The following PRDM9 variants were observed in gnomAD, a reference collection of about 807,000 sequenced individuals.
PRDM9 encodes PR/SET domain 9.
In PRDM9, 47 loss-of-function variants were observed where a neutral mutation model predicts 55.6. The ratio of observed to expected loss-of-function variants is 0.85; its 90% confidence interval spans 0.67 to 1.08. The LOEUF (loss-of-function observed/expected upper bound fraction) is 1.08. Among genes scored for constraint, PRDM9 ranks in the 50% least tolerant of loss-of-function variants. The pLI is 0.00. For missense variants in PRDM9, 867 were observed against 1,040.3 expected (o/e 0.83, Z 2.29); for synonymous variants, 312 against 375.7 (o/e 0.83, Z 1.96).
chr5:23,522,968 A>C, intron 8 of PRDM9, 83 bp downstream of exon 8: 2 of 1,603,966 alleles, frequency 1.2e-6, no homozygotes, highest in South Asian at 2.2e-5. Flanking sequence ...TCTACATGTT[A>C]GTATATAGGT....
At chr5:23,515,029 T>C (rs1308488804) in intron 4 of PRDM9, among the ~76,000 whole-genome samples, 1 of 151,608 alleles carries the variant, frequency 6.6e-6, no homozygotes, top group Non-Finnish European at 1.5e-5. Context: ...AATGGAGCGA[T>C]CTCAGCTCAC....
chr5:23,525,139 A>G (rs1486774300), intron 10 of PRDM9, among the ~76,000 whole-genome samples: 1 of 152,282 alleles, frequency 6.6e-6, no homozygotes, highest in Admixed American at 6.5e-5. Flanking sequence ...GTTGCAGCGG[A>G]TTGTCAGGGA....
chr5:23,510,683 A>G (rs1189071297), intron 4 of PRDM9, among the ~76,000 whole-genome samples: 1 of 150,152 alleles, frequency 6.7e-6, no homozygotes, highest in East Asian at 2.0e-4. Flanking sequence ...GATTGTTACT[A>G]TTATTACAGA....
intron 5 of PRDM9, 35 bp from the exon 6 acceptor site, chr5:23,520,988 G>C: frequency 6.2e-7 from 1 of 1,610,654 alleles, no homozygotes; most frequent in Non-Finnish European, 8.5e-7. Flanking sequence ...AAAGAAATTC[G>C]TGTTGTCTTT....
upstream of PRDM9, chr5:23,507,575 CT>C (rs1415938268): frequency 6.6e-6 from 1 of 152,422 alleles, no homozygotes; most frequent in East Asian, 1.9e-4. Flanking sequence ...GCTGTACAGC[CT>C]GGCACTTCGC....
Position 23,518,966 on chromosome 5 carries a change from C to T in PRDM9, c.351+1036C>T, listed in dbSNP as rs576593920. Among the ~76,000 whole-genome samples, 4 of 152,242 alleles carry T rather than the reference C, an allele frequency of 2.6e-5. No homozygotes were observed. The East Asian group carries it at 7.7e-4, about 29-fold the overall frequency. The stretch of plus-strand genomic sequence containing the variant: ...TGAATTAAACTATAAGTAACAGGGT[C>T]AAGGAATGCTGAAAATATCTTTGAG... On this transcript the variant is annotated intron_variant, in intron 5 of 10. Transcript: ENST00000296682.
chr5:23,509,548 C>A lies in PRDM9; in HGVS notation c.148C>A (p.Arg50Ser). Residue 50 changes from arginine to serine, a missense_variant, in exon 3 of 11, where the codon CGC (arginine) becomes AGC (serine). Around this residue, in one of 5 missense-constraint regions of PRDM9, gnomAD observed 662 missense variants for 711.9 expected, o/e 0.93. Transcript: ENST00000296682. Reference protein sequence around the residue: ...WAEMGDWEKTRYRNVKRNYNA... With the variant: ...WAEMGDWEKTSYRNVKRNYNA... ...AGAGATGGGAGACTGGGAGAAAACTCGCTATAGGAATGTGAAAAGGAACTA... is the reference window on the plus strand; with the variant it reads ...AGAGATGGGAGACTGGGAGAAAACTAGCTATAGGAATGTGAAAAGGAACTA... The A allele has an allele frequency of 6.2e-7, 1 of 1,614,116 alleles. No individual in the cohort carries two copies. The highest frequency in any genetic ancestry group is 8.5e-7 in the Non-Finnish European group (1 of 1,180,042).
intron 4 of PRDM9, among the ~76,000 whole-genome samples, chr5:23,510,910 C>T (rs1739082277): frequency 6.6e-6 from 1 of 151,552 alleles, no homozygotes; most frequent in Non-Finnish European, 1.5e-5. Context: ...CTTTGGGAGG[C>T]CAAGGTGGTC....
chr5:23,509,433 C>T (rs1177456513), intron 2 of PRDM9, 37 bp from the exon 3 acceptor site: 5 of 1,614,026 alleles, frequency 3.1e-6, no homozygotes, highest in Admixed American at 1.7e-5. Flanking sequence ...TTGATGTGTA[C>T]TAGTAAATCA....
At chr5:23,510,232 AT>A (rs1272286552) in intron 4 of PRDM9, among the ~76,000 whole-genome samples, 1 of 150,946 alleles carries the variant, frequency 6.6e-6, no homozygotes, top group Non-Finnish European at 1.5e-5. Context: ...TTTTTTGTAA[AT>A]TTTTTTTAGT....
chr5:23,514,183 T>C (rs1239316011), intron 4 of PRDM9, among the ~76,000 whole-genome samples: 1 of 152,182 alleles, frequency 6.6e-6, no homozygotes, highest in Non-Finnish European at 1.5e-5. Flanking sequence ...CTATTCAAGT[T>C]TTTTGCCCAT....
chr5:23,519,658 G>A (rs1185527310), intron 5 of PRDM9, among the ~76,000 whole-genome samples: 1 of 152,086 alleles, frequency 6.6e-6, no homozygotes, highest in Non-Finnish European at 1.5e-5. Context: ...ACTGCACCTG[G>A]TGAGAAAAAT....
chr5:23,512,029 T>C (rs1181589725), intron 4 of PRDM9, among the ~76,000 whole-genome samples: 1 of 151,954 alleles, frequency 6.6e-6, no homozygotes. Flanking sequence ...CATAGAACAA[T>C]GAAAGCAAAC....
At position 23,524,475 on chromosome 5, in the gene PRDM9, A is replaced by C. The variant is rs1739393652; in HGVS notation, c.1092A>C (p.Glu364Asp). ...GGTATGGGGATGAATACGGCCAGGAACTGGGCATCAAGTGGGGCAGCAAGT... is the reference window on the plus strand; with the variant it reads ...GGTATGGGGATGAATACGGCCAGGACCTGGGCATCAAGTGGGGCAGCAAGT... ...LVWYGDEYGQ[E>D]LGIKWGSKWK... Residue 364 changes from glutamate (E) to aspartate (D), a missense_variant, in exon 10 of 11, where the codon GAA becomes GAC. Physicochemically the swap from Glu to Asp is conservative, Grantham distance 45. Transcript: ENST00000296682. The C allele has an allele frequency of 6.2e-7, 1 of 1,613,950 alleles. No homozygotes were observed. Among genetic ancestry groups the C allele is most frequent in the Non-Finnish European group, 8.5e-7 (1 of 1,179,884 alleles).
intron 4 of PRDM9, among the ~76,000 whole-genome samples, chr5:23,513,376 C>T (rs116659435): frequency 6.6e-6 from 1 of 152,166 alleles, no homozygotes; most frequent in Non-Finnish European, 1.5e-5. Flanking sequence ...ATTAACGCCA[C>T]TATCACAGGA....
chr5:23,523,334 A>G lies in PRDM9; in HGVS notation c.926A>G (p.Asp309Gly). 1 of 1,614,058 alleles carries G rather than the reference A, an allele frequency of 6.2e-7. No individual in the cohort carries two copies. Among genetic ancestry groups the G allele is most frequent in the Non-Finnish European group, 8.5e-7 (1 of 1,179,906 alleles). The change falls in exon 9 of 11, where the codon GAT becomes GGT. Residue 309 changes from aspartate to glycine, a missense_variant. By Grantham distance (94) the Asp-to-Gly change is moderately conservative. This residue lies in a region of PRDM9 where 662 missense variants were observed against 711.9 expected (regional missense o/e 0.93). Transcript: ENST00000296682. ...RNCYEYVDGKDKSWANWMRYV... is the reference protein window; with the variant it reads ...RNCYEYVDGKGKSWANWMRYV... ...TGCTATGAGTATGTGGATGGAAAAG[A>G]TAAATCCTGGGCCAACTGGATGAGG...
rs763734322 is a variant in PRDM9 at position 23,522,309 on chromosome 5, A to G, written c.514A>G (p.Arg172Gly). 22 of 1,612,992 alleles carry G rather than the reference A, an allele frequency of 1.4e-5. No homozygotes were observed. The highest frequency in any genetic ancestry group is 6.8e-6 in the Non-Finnish European group (8 of 1,179,090). The change falls in exon 7 of 11, where the codon AGG becomes GGG. Residue 172 changes from arginine to glycine, a missense_variant. By Grantham distance (125) the Arg-to-Gly change is moderately radical (BLOSUM62 -2). This residue lies in a region of PRDM9 where 662 missense variants were observed against 711.9 expected (regional missense o/e 0.93). Transcript: ENST00000296682. The stretch of plus-strand genomic sequence containing the variant: ...TCTACTCTTCTCCAACCTAGAACTC[A>G]GGAAGAAGGAGACTGAAAGAAAGAT... The part of the protein sequence containing the change: ...GQHSRLKLEL[R>G]KKETERKMYS...
chr5:23,524,201 T>G (rs937905560), intron 9 of PRDM9, 133 bp from the exon 10 acceptor site: 1 of 1,162,922 alleles, frequency 8.6e-7, no homozygotes, highest in African/African-American at 1.5e-5. Context: ...AGCAGAAGGT[T>G]CCCGGAGGAG....
chr5:23,514,910 ATTTGT>A (rs1261246145), intron 4 of PRDM9, among the ~76,000 whole-genome samples: 1 of 151,354 alleles, frequency 6.6e-6, no homozygotes, highest in East Asian at 1.9e-4. Context: ...TTATTTAATT[ATTTGT>A]TTTGTTGTTG....
Sources: allele counts gnomAD v4.1 joint callset (sites outside exome capture counted in the v4.1 genomes callset), GRCh38; gene constraint gnomAD v4.1.1; regional missense constraint gnomAD v4.1.1; transcripts MANE v1.5; gene names NCBI Gene and HGNC (gene_info 2026-07-23, HGNC 2026-07-21).